The following SLC71A2 variants were observed in gnomAD, a reference collection of about 807,000 sequenced individuals.
The protein encoded by SLC71A2 is solute carrier family 71 member 2.
the SLC71A2 span, among the ~76,000 whole-genome samples, chr9:94,403,180 A>G: frequency 6.6e-6 from 1 of 152,094 alleles, no homozygotes; most frequent in Non-Finnish European, 1.5e-5. Context: ...CTCGTTGCCC[A>G]GGCTGGAGTG....
the SLC71A2 span, among the ~76,000 whole-genome samples, chr9:94,384,310 C>T: frequency 1.3e-5 from 2 of 150,792 alleles, no homozygotes; most frequent in Non-Finnish European, 2.9e-5. Flanking sequence ...CAAGGTTTGT[C>T]CATGTGTGCC....
chr9:94,392,841 G>A, the SLC71A2 span, among the ~76,000 whole-genome samples: 1 of 151,480 alleles, frequency 6.6e-6, no homozygotes, highest in Admixed American at 6.6e-5. Context: ...ATCATCTTTA[G>A]TATTTCCTCC....
the SLC71A2 span, among the ~76,000 whole-genome samples, chr9:94,419,577 T>G: frequency 2.0e-5 from 3 of 152,208 alleles, no homozygotes; most frequent in African/African-American, 7.2e-5. Context: ...AGTGCTGGGA[T>G]CACTGGCGTG....
chr9:94,396,162 A>G, the SLC71A2 span, among the ~76,000 whole-genome samples: 3 of 150,676 alleles, frequency 2.0e-5, no homozygotes, highest in East Asian at 1.9e-4. Context: ...ATATGAGTAT[A>G]TTTGTGATAT....
At chr9:94,404,564 G>A in the SLC71A2 span, among the ~76,000 whole-genome samples, 39 of 152,120 alleles carry the variant, frequency 2.6e-4, no homozygotes, top group Non-Finnish European at 3.8e-4. Flanking sequence ...CCAAAGTGCT[G>A]GGATTACATA....
the SLC71A2 span, among the ~76,000 whole-genome samples, chr9:94,452,234 G>A: frequency 1.3e-5 from 2 of 152,154 alleles, no homozygotes; most frequent in Non-Finnish European, 2.9e-5. Context: ...AAGCAGAAAT[G>A]AAAATCTGTA....
At chr9:94,458,183 C>T in the SLC71A2 span, 1 of 598,068 alleles carries the variant, frequency 1.7e-6, no homozygotes, top group South Asian at 2.6e-5. Flanking sequence ...TCTTCCTAAT[C>T]TACTTTCATT....
chr9:94,380,044 G>T, the SLC71A2 span, among the ~76,000 whole-genome samples: 1 of 152,176 alleles, frequency 6.6e-6, no homozygotes, highest in Admixed American at 6.5e-5. Context: ...GAGGCAGGCG[G>T]ATCACGAGGT....
the SLC71A2 span, among the ~76,000 whole-genome samples, chr9:94,457,724 C>CTGAATGTCAGCATAT: frequency 6.6e-6 from 1 of 152,204 alleles, no homozygotes; most frequent in Admixed American, 6.5e-5. Context: ...ATACATGTTT[C>CTGAATGTCAGCATAT]TGAATGTCAG....
the SLC71A2 span, among the ~76,000 whole-genome samples, chr9:94,420,036 A>T: frequency 6.6e-6 from 1 of 152,118 alleles, no homozygotes; most frequent in Non-Finnish European, 1.5e-5. Context: ...GGCCATTTTC[A>T]GTTCTTCCCT....
chr9:94,409,081 C>T, the SLC71A2 span, among the ~76,000 whole-genome samples: 1 of 150,302 alleles, frequency 6.7e-6, no homozygotes, highest in Non-Finnish European at 1.5e-5. Flanking sequence ...GATCCGCCTG[C>T]CTCGGCCTCC....
the SLC71A2 span, among the ~76,000 whole-genome samples, chr9:94,428,679 T>TA: frequency 1.3e-5 from 2 of 150,164 alleles, no homozygotes; most frequent in African/African-American, 4.9e-5. Context: ...GACATACTGT[T>TA]ATCACCCAAA....
chr9:94,431,001 A>G, the SLC71A2 span, among the ~76,000 whole-genome samples: 9 of 152,176 alleles, frequency 5.9e-5, no homozygotes, highest in Non-Finnish European at 8.8e-5. Flanking sequence ...TATACGTTGT[A>G]CTGAACAACA....
At chr9:94,459,570 C>T in the SLC71A2 span, 2 of 547,124 alleles carry the variant, frequency 3.7e-6, no homozygotes, top group South Asian at 2.9e-5. Flanking sequence ...CATCCTCCTC[C>T]TGTTTTTTTT....
chr9:94,448,383 A>G, the SLC71A2 span, among the ~76,000 whole-genome samples: 3 of 152,150 alleles, frequency 2.0e-5, no homozygotes, highest in Non-Finnish European at 4.4e-5. Flanking sequence ...TCCCCTTTCA[A>G]CTGTTCTTCA....
chr9:94,413,835 A>C, the SLC71A2 span, among the ~76,000 whole-genome samples: 1 of 152,146 alleles, frequency 6.6e-6, no homozygotes, highest in Non-Finnish European at 1.5e-5. Context: ...GCCTGATTGT[A>C]ATTGGGTCGT....
the SLC71A2 span, among the ~76,000 whole-genome samples, chr9:94,428,101 G>T: frequency 6.6e-6 from 1 of 150,954 alleles, no homozygotes; most frequent in East Asian, 1.9e-4. Context: ...CCAGCCTGGC[G>T]AAGAGTGAGA....
chr9:94,454,152 G>A, the SLC71A2 span: 28 of 899,452 alleles, frequency 3.1e-5, no homozygotes, highest in Non-Finnish European at 4.9e-5. Context: ...GTGATGAGAA[G>A]GAAGCAAGGG....
the SLC71A2 span, among the ~76,000 whole-genome samples, chr9:94,417,027 C>T: frequency 6.6e-6 from 1 of 151,874 alleles, no homozygotes; most frequent in African/African-American, 2.4e-5. Context: ...ATAATTAGTC[C>T]CATTTTGAGT....
Sources: allele counts gnomAD v4.1 joint callset (sites outside exome capture counted in the v4.1 genomes callset), GRCh38; gene constraint gnomAD v4.1.1; transcripts MANE v1.5; gene names NCBI Gene and HGNC (gene_info 2026-07-23, HGNC 2026-07-21).